The following HPGD variants were observed in gnomAD, a reference collection of about 807,000 sequenced individuals.
HPGD encodes 15-hydroxyprostaglandin dehydrogenase.
HPGD carries 29 observed loss-of-function variants against 30.0 expected under a neutral mutation model. The ratio of observed to expected loss-of-function variants is 0.97; its 90% confidence interval spans 0.72 to 1.32. HPGD has a LOEUF of 1.32. HPGD is among the 40% of genes most tolerant of loss of function. The pLI, the probability that HPGD is intolerant of heterozygous loss-of-function variation, is 0.00. For missense variants in HPGD, 340 were observed against 322.1 expected (o/e 1.06, Z -0.43); for synonymous variants, 99 against 112.4 (o/e 0.88, Z 0.75).
chr4:174,491,866 A>G lies in HPGD; in HGVS notation c.*90T>C, dbSNP rs1734356090. ...ATGAAGGAAAACTTCAAACTGTAAC[A>G]TTTCATTTAAAAGCTATATTCAAAT... On this transcript the variant is annotated 3_prime_UTR_variant, in exon 7 of 7. Coordinates refer to ENST00000296522, the MANE Select transcript of HPGD (RefSeq NM_000860.6). The G allele has an allele frequency of 1.6e-6, 2 of 1,231,550 alleles. No individual in the cohort carries two copies. Among genetic ancestry groups the G allele is most frequent in the Admixed American group, 1.7e-5 (1 of 58,716 alleles). The allele number at this position is 1,231,550 out of a possible 1,614,324, so 76.3% of individuals were successfully genotyped here. A position where few individuals can be genotyped will look rare whatever the true frequency, so the allele number is the denominator to read the frequency against.
At chr4:174,497,568 C>CTTTCTTTTTTTTT (rs1360019053) in intron 4 of HPGD, among the ~76,000 whole-genome samples, 527 of 51,032 alleles carry the variant, frequency 0.01, 96 homozygotes, top group Non-Finnish European at 0.016. Context: ...CTTTTTCTTT[C>CTTTCTTTTTTTTT]TTTTTTTTTT....
intron 3 of HPGD, among the ~76,000 whole-genome samples, chr4:174,511,802 A>G (rs1328641367): frequency 2.0e-5 from 3 of 152,030 alleles, no homozygotes; most frequent in East Asian, 1.9e-4. Flanking sequence ...GTCCGCCACC[A>G]CGCCCGGCTA....
rs914710862 is a variant in HPGD, at chr4:174,495,641, T to C, written c.422-17A>G. 2.5e-6 allele frequency: 4 copies of C among 1,587,698 alleles called. No individual in the cohort carries two copies. The South Asian group carries it at 4.4e-5, about 18-fold the overall frequency. The stretch of plus-strand genomic sequence containing the variant: ...GCATGAGTCCTGAAACAGACAAATA[T>C]AACATTTAAATGCTTTGATGAAAAA... On this transcript the variant is annotated splice_polypyrimidine_tract_variant and intron_variant, in intron 4 of 6. Coordinates refer to ENST00000296522, the MANE Select transcript of HPGD (RefSeq NM_000860.6).
chr4:174,508,840 C>T (rs1461151127), intron 3 of HPGD, 48 bp from the exon 4 acceptor site: 2 of 1,022,230 alleles, frequency 2.0e-6, no homozygotes, highest in Admixed American at 1.7e-5. Context: ...ATTATCCTTT[C>T]CCATATTTTC....
chr4:174,518,716 T>C (rs1033417255), intron 2 of HPGD, among the ~76,000 whole-genome samples: 1 of 152,216 alleles, frequency 6.6e-6, no homozygotes, highest in Admixed American at 6.5e-5. Flanking sequence ...TACTTCAGAT[T>C]ACTAGGATTA....
chr4:174,522,687 G>A (rs1300095655), upstream of HPGD: 5 of 455,464 alleles, frequency 1.1e-5, no homozygotes, highest in Middle Eastern at 5.7e-4. Flanking sequence ...TCGCAGACCG[G>A]CTCAAAGCCT....
At chr4:174,493,006 T>A in intron 6 of HPGD, 145 bp downstream of exon 6, 1 of 667,740 alleles carries the variant, frequency 1.5e-6, no homozygotes, top group Non-Finnish European at 2.4e-6. Context: ...AAAAATATAT[T>A]TTCTCCCAGA....
chr4:174,502,365 A>C (rs1184362386), intron 4 of HPGD, among the ~76,000 whole-genome samples: 1 of 152,112 alleles, frequency 6.6e-6, no homozygotes, highest in East Asian at 1.9e-4. Context: ...TATGCTTTAG[A>C]GTGTGACACG....
intron 4 of HPGD, 40 bp downstream of exon 4, chr4:174,508,656 A>G (rs1286702990): frequency 9.1e-7 from 1 of 1,103,892 alleles, no homozygotes; most frequent in Non-Finnish European, 1.4e-6. Context: ...CCAAATTACC[A>G]GTAAGAAAAT....
At chr4:174,511,941 C>T (rs1164254768) in intron 3 of HPGD, among the ~76,000 whole-genome samples, 1 of 152,186 alleles carries the variant, frequency 6.6e-6, no homozygotes, top group Admixed American at 6.5e-5. Flanking sequence ...TCACCGCTCC[C>T]GGCCTGCTGA....
At chr4:174,511,755 G>T (rs983367952) in intron 3 of HPGD, among the ~76,000 whole-genome samples, 21 of 151,988 alleles carry the variant, frequency 1.4e-4, no homozygotes, top group Non-Finnish European at 2.5e-4. Context: ...CACGCCATTC[G>T]CCTGCCTCAG....
chr4:174,516,819 A>T (rs991601135), intron 3 of HPGD, among the ~76,000 whole-genome samples: 1 of 152,218 alleles, frequency 6.6e-6, no homozygotes, highest in Admixed American at 6.5e-5. Context: ...AAGTTATTAT[A>T]GCAGTTAGGT....
At chr4:174,509,153 C>G (rs112760268) in intron 3 of HPGD, among the ~76,000 whole-genome samples, 235 of 151,814 alleles carry the variant, frequency 1.5e-3, no homozygotes, top group African/African-American at 5.3e-3. Context: ...ATTTATTTAC[C>G]CTTCTTCTCT....
chr4:174,521,904 G>T, intron 2 of HPGD, 40 bp downstream of exon 2: 1 of 1,613,116 alleles, frequency 6.2e-7, no homozygotes, highest in South Asian at 1.1e-5. Context: ...TGCTTGTTGA[G>T]AGCACGTTCC....
At chr4:174,522,559 C>T (rs1016596370), upstream of HPGD, 15 of 721,574 alleles carry the variant, frequency 2.1e-5, no homozygotes, top group East Asian at 4.2e-4. Flanking sequence ...GGGGCGCTCC[C>T]CTGCCAGTGG....
In HPGD at chr4:174,494,493, T is replaced by C. The variant is rs1166168172; in HGVS notation, c.498+1055A>G. 6.6e-6 allele frequency among the ~76,000 whole-genome samples: 1 copy of C among 152,206 alleles called. No individual in the cohort carries two copies. The highest frequency in any genetic ancestry group is 2.4e-5 in the African/African-American group (1 of 41,462). On this transcript the variant is annotated intron_variant, in intron 5 of 6. Transcript: ENST00000296522. This position sits in a 1 kb window ranked among gnomAD's most constrained non-coding sequence, Gnocchi z 4.9. The stretch of plus-strand genomic sequence containing the variant: ...TTCTGGTCTTTCAGGTTTACTTTGC[T>C]TTGTAAGAGAGCTTTATGTGTTTAT...
chr4:174,505,685 C>T (rs887290299), intron 4 of HPGD, among the ~76,000 whole-genome samples: 8 of 152,002 alleles, frequency 5.3e-5, no homozygotes, highest in South Asian at 2.1e-4. Flanking sequence ...TTAGTGGGAG[C>T]CCTGGATGGG....
At chr4:174,500,419 GA>G (rs917072336) in intron 4 of HPGD, among the ~76,000 whole-genome samples, 72 of 152,320 alleles carry the variant, frequency 4.7e-4, no homozygotes, top group African/African-American at 1.6e-3. Context: ...TCAAAGAACT[GA>G]AAACATGCTT....
chr4:174,495,621 A>C lies in HPGD; in HGVS notation c.425T>G (p.Leu142Arg). Residue 142 changes from leucine to arginine, a missense_variant, in exon 5 of 7, where the codon CTC becomes CGC. Leu to Arg is a moderately radical substitution (Grantham distance 102, BLOSUM62 -2). Transcript: ENST00000296522. The stretch of plus-strand genomic sequence containing the variant: ...AACCGGCTGCTGTGCAACGGGCATG[A>C]GTCCTGAAACAGACAAATATAACAT... ...IIINMSSLAG[L>R]MPVAQQPVYC... is the part of the protein sequence containing the mutation. 6.2e-7 allele frequency: 1 copy of C among 1,611,878 alleles called. No homozygotes were observed. The highest frequency in any genetic ancestry group is 1.1e-5 in the South Asian group (1 of 91,040).
Sources: gnomAD v4.1 joint callset for allele counts (sites outside exome capture counted in the v4.1 genomes callset) on GRCh38, gnomAD v4.1.1 for gene constraint, Gnocchi (gnomAD v3.1) non-coding constraint, MANE v1.5 for transcripts, NCBI Gene and HGNC (gene_info 2026-07-23, HGNC 2026-07-21) for gene names.